Variants in USH2A observed in about 807,000 individuals in gnomAD.
USH2A encodes the protein Usher syndrome 2A (autosomal recessive, mild).
USH2A carries 443 observed loss-of-function variants against 538.9 expected under a neutral mutation model. That is an observed-to-expected ratio of 0.82 (90% CI 0.76 to 0.89). The LOEUF is 0.89. USH2A is among the 40% of genes least tolerant of loss of function. The probability of loss-of-function intolerance (pLI) is 0.00; values close to 1 mark genes in which losing one functional copy is unlikely to be tolerated. For synonymous variants in USH2A, 2,413 were observed against 2,273.5 expected (o/e 1.06, Z -1.75); for missense variants, 6,633 against 6,324.8 (o/e 1.05, Z -1.65).
intron 21 of USH2A, among the ~76,000 whole-genome samples, chr1:216,111,570 TA>T (rs959990188): frequency 2.0e-5 from 3 of 151,884 alleles, no homozygotes; most frequent in Admixed American, 6.6e-5. Context: ...TGACTCAGTT[TA>T]AAAAAACTAT....
intron 47 of USH2A, among the ~76,000 whole-genome samples, chr1:215,837,095 C>T (rs1252571800): frequency 6.6e-6 from 1 of 152,092 alleles, no homozygotes; most frequent in Non-Finnish European, 1.5e-5. Flanking sequence ...GAACAGCTAA[C>T]AGTCAGGTTA....
At chr1:216,240,622 T>A (rs947328473) in intron 13 of USH2A, among the ~76,000 whole-genome samples, 1 of 152,084 alleles carries the variant, frequency 6.6e-6, no homozygotes, top group African/African-American at 2.4e-5. Context: ...AGTTTTCATA[T>A]AATAGTAAAA....
At chr1:215,818,599 T>C (rs972062127) in intron 47 of USH2A, among the ~76,000 whole-genome samples, 8 of 151,888 alleles carry the variant, frequency 5.3e-5, no homozygotes, top group Non-Finnish European at 8.8e-5. Context: ...GGGTTTGGTA[T>C]ACAATGAAGG....
chr1:216,267,945 CAAT>C (rs1217992598), intron 11 of USH2A, among the ~76,000 whole-genome samples: 3 of 151,714 alleles, frequency 2.0e-5, no homozygotes, highest in South Asian at 2.1e-4. Context: ...CTTACAACAA[CAAT>C]AATAATATCC....
intron 58 of USH2A, among the ~76,000 whole-genome samples, chr1:215,745,620 G>A (rs75881887): frequency 0.025 from 3,787 of 152,220 alleles, 163 homozygotes; most frequent in African/African-American, 0.087. Flanking sequence ...ATACTGCATG[G>A]TAAATATTAC....
intron 3 of USH2A, among the ~76,000 whole-genome samples, chr1:216,380,156 C>A (rs1020001852): frequency 6.6e-6 from 1 of 151,760 alleles, no homozygotes; most frequent in Non-Finnish European, 1.5e-5. Context: ...TGATAGGTAC[C>A]GCAAAAGACG....
chr1:216,153,332 C>T (rs183992355), intron 21 of USH2A, among the ~76,000 whole-genome samples: 97 of 152,312 alleles, frequency 6.4e-4, no homozygotes, highest in Middle Eastern at 3.4e-3. Context: ...TACCATGGGA[C>T]TGGAGCCCAA....
chr1:215,840,812 G>A (rs528055593), intron 46 of USH2A, among the ~76,000 whole-genome samples: 2 of 152,192 alleles, frequency 1.3e-5, no homozygotes, highest in African/African-American at 2.4e-5. Flanking sequence ...AAGACAATAC[G>A]GCAAATCCTC....
chr1:216,223,515 C>T (rs563158132), intron 14 of USH2A, among the ~76,000 whole-genome samples: 35 of 152,260 alleles, frequency 2.3e-4, no homozygotes, highest in African/African-American at 7.7e-4. Flanking sequence ...AGCCTCGTGC[C>T]TTGCTTTGGC....
Position 215,998,875 on chromosome 1 carries a change from A to G in USH2A, c.6657+12T>C. ...GGAATGGGGACAGAGAAAGTGATGG[A>G]AATAAACTTACTCCCAGCTTGATGA... On this transcript the variant is annotated intron_variant, in intron 34 of 71. Transcript: ENST00000307340. The G allele has an allele frequency of 2.5e-6, 4 of 1,612,062 alleles. No individual in the cohort carries two copies. The highest frequency in any genetic ancestry group is 3.4e-6 in the Non-Finnish European group (4 of 1,178,588).
intron 34 of USH2A, among the ~76,000 whole-genome samples, chr1:215,995,887 T>C (rs1194286498): frequency 1.3e-5 from 2 of 152,162 alleles, no homozygotes; most frequent in East Asian, 3.9e-4. Context: ...ATCATGACTA[T>C]TAAGACAATC....
intron 11 of USH2A, among the ~76,000 whole-genome samples, chr1:216,266,440 A>G (rs1278418483): frequency 6.6e-6 from 1 of 152,172 alleles, no homozygotes; most frequent in Non-Finnish European, 1.5e-5. Flanking sequence ...GTTATTTCTA[A>G]TCCAGAATTC....
At chr1:215,830,859 G>T (rs1663294512) in intron 47 of USH2A, among the ~76,000 whole-genome samples, 1 of 152,184 alleles carries the variant, frequency 6.6e-6, no homozygotes, top group African/African-American at 2.4e-5. Flanking sequence ...AATAGGAACT[G>T]ACTGTAGTCA....
intron 27 of USH2A, among the ~76,000 whole-genome samples, chr1:216,074,654 G>T (rs1326878665): frequency 6.6e-6 from 1 of 152,070 alleles, no homozygotes. Flanking sequence ...TCAATAAGTT[G>T]GGTGAATTGA....
At chr1:215,705,784 G>T (rs1390857808) in intron 61 of USH2A, among the ~76,000 whole-genome samples, 2 of 152,172 alleles carry the variant, frequency 1.3e-5, no homozygotes, top group Non-Finnish European at 2.9e-5. Flanking sequence ...GCAAAAACCA[G>T]TTACAAATTC....
intron 14 of USH2A, among the ~76,000 whole-genome samples, chr1:216,219,525 A>G (rs2035414016): frequency 6.6e-6 from 1 of 152,128 alleles, no homozygotes; most frequent in Non-Finnish European, 1.5e-5. Flanking sequence ...CCTCCTCAAG[A>G]GTACCTCCTA....
chr1:215,920,689 G>A (rs1253828059), intron 38 of USH2A, among the ~76,000 whole-genome samples: 1 of 151,962 alleles, frequency 6.6e-6, no homozygotes, highest in African/African-American at 2.4e-5. Flanking sequence ...GATAGCAAGT[G>A]GTGGATAAGT....
At chr1:216,337,638 C>CTT (rs1030353886) in intron 4 of USH2A, among the ~76,000 whole-genome samples, 3 of 151,076 alleles carry the variant, frequency 2.0e-5, no homozygotes, top group Non-Finnish European at 4.5e-5. Context: ...GCTCTCACTG[C>CTT]TTTTTTTTCC....
chr1:216,253,349 A>G (rs527416596), intron 11 of USH2A, among the ~76,000 whole-genome samples: 3 of 152,132 alleles, frequency 2.0e-5, no homozygotes, highest in African/African-American at 7.2e-5. Flanking sequence ...TCTTTTTAGT[A>G]GAGACACAGT....
Sources: gnomAD v4.1 joint callset for allele counts (sites outside exome capture counted in the v4.1 genomes callset) on GRCh38, gnomAD v4.1.1 for gene constraint, MANE v1.5 for transcripts, NCBI Gene and HGNC (gene_info 2026-07-23, HGNC 2026-07-21) for gene names.